NUP58: variants seen among roughly 807,000 people sequenced by gnomAD.
The protein encoded by NUP58 is nucleoporin 58, also known as nucleoporin p58/p45.
A neutral mutation model predicts 70.1 loss-of-function variants in NUP58; 17 were observed. The ratio of observed to expected loss-of-function variants is 0.24; its 90% CI spans 0.17 to 0.36. NUP58 has a LOEUF of 0.36. Among genes scored for constraint, NUP58 ranks in the 10% least tolerant of loss-of-function variants. NUP58 has a pLI of 1.00. For synonymous variants in NUP58, 275 were observed against 257.6 expected, an observed-to-expected ratio of 1.07 and a Z score of -0.65; for missense variants, 644 against 701.5, an observed-to-expected ratio of 0.92 and a Z score of 0.93.
chr13:25,344,815 T>C (rs1234142725), downstream of NUP58, among the ~76,000 whole-genome samples: 1 of 152,184 alleles, frequency 6.6e-6, no homozygotes, highest in Non-Finnish European at 1.5e-5. Context: ...ATGAGGTCAT[T>C]TACATTATTA....
At chr13:25,347,748 TG>T (rs1356710163) in intron 3 of NUP58, among the ~76,000 whole-genome samples, 2 of 152,232 alleles carry the variant, frequency 1.3e-5, no homozygotes, top group Non-Finnish European at 2.9e-5. Flanking sequence ...TTTTTGTAGA[TG>T]TTTTTATAGG....
At chr13:25,321,130 TTTG>T (rs1298683810) in intron 9 of NUP58, 37 bp downstream of exon 9, 1 of 1,530,040 alleles carries the variant, frequency 6.5e-7, no homozygotes, top group Non-Finnish European at 8.8e-7. Flanking sequence ...GTAGGGTTTT[TTTG>T]TTTTGTTTTT....
At chr13:25,326,842 A>C in intron 10 of NUP58, 74 bp from the exon 11 acceptor site, 2 of 781,434 alleles carry the variant, frequency 2.6e-6, no homozygotes, top group Admixed American at 4.7e-5. Context: ...ATGATTGCAG[A>C]ATATTCCTTA....
At position 25,335,212 on chromosome 13, in the gene NUP58, C is replaced by T. The variant is rs920780426; in HGVS notation, c.1436-1724C>T. ...GATGTGCAATGGAAAGTCTTGTCAT[C>T]ATTAGATATGAGTTCTTGATTATAT... On this transcript the variant is annotated intron_variant, in intron 13 of 15. Transcript: ENST00000381736. 1.3e-5 allele frequency: 13 copies of T among 985,020 alleles called. No individual in the cohort carries two copies. In the East Asian group the frequency reaches 1.5e-3, roughly 112 times the overall value. 61.0% of individuals were successfully genotyped at this position (985,020 alleles called of 1,614,324 possible). A position where few individuals can be genotyped will look rare whatever the true frequency, so the allele number is the denominator to read the frequency against.
intron 9 of NUP58, among the ~76,000 whole-genome samples, chr13:25,323,805 A>G (rs1238482763): frequency 6.6e-6 from 1 of 152,188 alleles, no homozygotes; most frequent in Non-Finnish European, 1.5e-5. Context: ...CTCTCCAGTC[A>G]TTCAACTAAC....
chr13:25,314,183 T>C (rs2030817045), intron 5 of NUP58, among the ~76,000 whole-genome samples: 1 of 152,166 alleles, frequency 6.6e-6, no homozygotes, highest in African/African-American at 2.4e-5. Flanking sequence ...TCCGGCTGCC[T>C]TGGCCTCCCA....
chr13:25,340,202 A>T lies in NUP58; in HGVS notation c.*68A>T. ...ATTCTATGAGTCTATTTTTCTAATG[A>T]TGCAGTAATTAAATTGCATCCCAGG... On this transcript the variant is annotated 3_prime_UTR_variant, in exon 16 of 16. Coordinates refer to ENST00000381736, the MANE Select transcript of NUP58 (RefSeq NM_014089.4). 7.5e-7 allele frequency: 1 copy of T among 1,326,210 alleles called. No individual in the cohort carries two copies. The allele number at this position is 1,326,210 out of a possible 1,614,324, so 82.2% of individuals were successfully genotyped here.
chr13:25,335,183 A>G (rs1316356839), intron 13 of NUP58: 2 of 985,306 alleles, frequency 2.0e-6, no homozygotes, highest in Non-Finnish European at 2.4e-6. Context: ...AATATCATGT[A>G]TCTGATGTGC....
rs1401635066 is a variant in NUP58, at chr13:25,342,393, A to C, written c.*2259A>C. On this transcript the variant is annotated 3_prime_UTR_variant, in exon 16 of 16. Coordinates refer to ENST00000381736, the MANE Select transcript of NUP58 (RefSeq NM_014089.4). ...GAGCCTATTATTATGGAAACAATAAAATTTATTGTGTCAGTTGCTTTGATT... is the reference window on the plus strand; with the variant it reads ...GAGCCTATTATTATGGAAACAATAACATTTATTGTGTCAGTTGCTTTGATT... 6.6e-6 allele frequency: 1 copy of C among 152,612 alleles called. No individual in the cohort carries two copies. Among genetic ancestry groups the C allele is most frequent in the Non-Finnish European group, 1.5e-5 (1 of 68,032 alleles). The allele number at this position is 152,612 out of a possible 1,614,324, so 9.5% of individuals were successfully genotyped here. A position where few individuals can be genotyped will look rare whatever the true frequency, so the allele number is the denominator to read the frequency against.
At chr13:25,335,122 GT>G in intron 13 of NUP58, 1 of 985,226 alleles carries the variant, frequency 1.0e-6, no homozygotes, top group Non-Finnish European at 1.2e-6. Flanking sequence ...TTGCCTACGA[GT>G]TTTATAAATG....
At chr13:25,347,597 A>T (rs908471127) in intron 3 of NUP58, among the ~76,000 whole-genome samples, 3 of 152,084 alleles carry the variant, frequency 2.0e-5, no homozygotes, top group South Asian at 2.1e-4. Context: ...GTTTCCAAGG[A>T]TTTACTTTTT....
chr13:25,301,835 G>T lies in NUP58; in HGVS notation c.62G>T (p.Gly21Val). 1 of 1,613,584 alleles carries T rather than the reference G, an allele frequency of 6.2e-7. No individual in the cohort carries two copies. ...GGCTCCACCACCGTGGCCGCCGGCG[G>T]GACCAGCACAGGCGGCGTTTTCTCC... Reference protein sequence around the residue: ...TLGSTTVAAGGTSTGGVFSFG... With the variant: ...TLGSTTVAAGVTSTGGVFSFG... The change falls in exon 1 of 16, where the codon GGG becomes GTG. Residue 21 changes from glycine to valine, a missense_variant. Gly to Val is a moderately radical substitution (Grantham distance 109). Transcript: ENST00000381736.
At chr13:25,308,830 C>G (rs547342757) in intron 2 of NUP58, among the ~76,000 whole-genome samples, 1 of 152,184 alleles carries the variant, frequency 6.6e-6, no homozygotes, top group Admixed American at 6.5e-5. Flanking sequence ...GTCATTCTTA[C>G]TACTTTTTGC....
At chr13:25,331,604 A>G in intron 13 of NUP58, 46 bp downstream of exon 13, 1 of 1,583,008 alleles carries the variant, frequency 6.3e-7, no homozygotes, top group South Asian at 1.1e-5. Flanking sequence ...CCAATGCAGA[A>G]CATTTATGTG....
Position 25,301,850 on chromosome 13 carries a change from G to A in NUP58, c.77G>A (p.Gly26Asp). 6.2e-7 allele frequency: 1 copy of A among 1,613,496 alleles called. No individual in the cohort carries two copies. The highest frequency in any genetic ancestry group is 8.5e-7 in the Non-Finnish European group (1 of 1,179,812). The change falls in exon 1 of 16, where the codon GGC (glycine) becomes GAC (aspartate). Residue 26 changes from glycine to aspartate, a missense_variant. Transcript: ENST00000381736. ...GCCGCCGGCGGGACCAGCACAGGCG[G>A]CGTTTTCTCCTTCGGAACGGGAGCG... ...TVAAGGTSTG[G>D]VFSFGTGASS...
chr13:25,303,047 T>C (rs1179642803), intron 1 of NUP58: 4 of 456,408 alleles, frequency 8.8e-6, no homozygotes, highest in Middle Eastern at 3.2e-4. Context: ...TACATTCTTA[T>C]GAAAATAATT....
chr13:25,309,201 G>A, intron 2 of NUP58, 46 bp from the exon 3 acceptor site: 1 of 1,427,354 alleles, frequency 7.0e-7, no homozygotes, highest in Non-Finnish European at 9.9e-7. Flanking sequence ...CCTAAAGAAT[G>A]TCATCTTCAT....
intron 13 of NUP58, chr13:25,334,950 A>G: frequency 1.0e-6 from 1 of 985,078 alleles, no homozygotes; most frequent in Non-Finnish European, 1.2e-6. Flanking sequence ...TCAAATTTCA[A>G]AGCAGACTTC....
intron 6 of NUP58, among the ~76,000 whole-genome samples, chr13:25,316,444 T>C (rs1299665646): frequency 1.3e-4 from 3 of 22,814 alleles, no homozygotes; most frequent in Admixed American, 8.6e-4. Flanking sequence ...TGTATCTATA[T>C]GACTTTTTTT....
Sources: allele counts gnomAD v4.1 joint callset (sites outside exome capture counted in the v4.1 genomes callset), GRCh38; gene constraint gnomAD v4.1.1; transcripts MANE v1.5; gene names NCBI Gene and HGNC (gene_info 2026-07-23, HGNC 2026-07-21).